The following WDR33 variants were observed in gnomAD, a reference collection of about 807,000 sequenced individuals.
WDR33 encodes pre-mRNA 3' end processing protein WDR33.
In WDR33, 47 loss-of-function variants were observed where a neutral mutation model predicts 164.9. The ratio of observed to expected loss-of-function variants is 0.29; its 90% CI spans 0.23 to 0.36. The LOEUF is 0.36. Among genes scored for constraint, WDR33 ranks in the 10% least tolerant of loss-of-function variants. WDR33 has a pLI of 1.00. For missense variants in WDR33, 1,137 were observed against 1,754.1 expected (o/e 0.65, Z 6.28); for synonymous variants, 505 against 589.0 (o/e 0.86, Z 2.06).
chr2:127,727,024 C>A (rs899706283), intron 7 of WDR33, among the ~76,000 whole-genome samples: 3 of 152,110 alleles, frequency 2.0e-5, no homozygotes, highest in African/African-American at 7.2e-5. Context: ...ACCTACTTGC[C>A]GGGAGGTCAG....
intron 7 of WDR33, among the ~76,000 whole-genome samples, chr2:127,750,710 ATATGTATGTATG>A (rs1687322886): frequency 1.7e-5 from 1 of 57,506 alleles, no homozygotes; most frequent in African/African-American, 9.4e-5. Context: ...ATATATATAT[ATATGTATGTATG>A]CATACATATA....
At chr2:127,754,135 C>G (rs1687449230) in intron 7 of WDR33, among the ~76,000 whole-genome samples, 1 of 152,170 alleles carries the variant, frequency 6.6e-6, no homozygotes. Context: ...AGACTCCATT[C>G]ACTACTTCAA....
chr2:127,756,755 T>C (rs1429967516), intron 7 of WDR33, among the ~76,000 whole-genome samples: 1 of 152,102 alleles, frequency 6.6e-6, no homozygotes, highest in East Asian at 1.9e-4. Flanking sequence ...ACTGCCTAAA[T>C]TAATAATCAT....
rs1687732474 is a variant in WDR33 at position 127,763,316 on chromosome 2, C to T, written c.627-157G>A. The stretch of plus-strand genomic sequence containing the variant: ...CCTTAAAGTGAATGTCGTCAGCTAA[C>T]ATAGGCATCTCATCAAAAGAAGACT... On this transcript the variant is annotated intron_variant, in intron 6 of 21. Coordinates refer to ENST00000322313, the MANE Select transcript of WDR33 (RefSeq NM_018383.5). The surrounding 1 kb of genome is among the most constrained non-coding windows in gnomAD (Gnocchi z 4.5). The T allele has an allele frequency of 1.4e-6, 2 of 1,443,648 alleles. No homozygotes were observed. Among genetic ancestry groups the T allele is most frequent in the African/African-American group, 2.9e-5 (2 of 69,776 alleles). 89.4% of individuals were successfully genotyped at this position (1,443,648 alleles called of 1,614,324 possible).
At chr2:127,756,981 GT>G (rs773768945) in intron 7 of WDR33, among the ~76,000 whole-genome samples, 6 of 151,868 alleles carry the variant, frequency 4.0e-5, no homozygotes, top group Non-Finnish European at 7.4e-5. Context: ...GGAGGCTGAG[GT>G]GGGAGAATTG....
chr2:127,748,232 A>T (rs1172801264), intron 7 of WDR33, among the ~76,000 whole-genome samples: 1 of 152,138 alleles, frequency 6.6e-6, no homozygotes, highest in Non-Finnish European at 1.5e-5. Context: ...CCTATAATAC[A>T]TTATAACACC....
chr2:127,776,729 T>C (rs1045581904), intron 1 of WDR33, among the ~76,000 whole-genome samples: 1 of 152,150 alleles, frequency 6.6e-6, no homozygotes, highest in Non-Finnish European at 1.5e-5. Flanking sequence ...GCAAAAATGA[T>C]ACAATAGCTT....
Position 127,702,238 on chromosome 2 carries a change from G to T in WDR33, c.*4085C>A. On this transcript the variant is annotated 3_prime_UTR_variant, in exon 22 of 22. Coordinates refer to ENST00000322313, the MANE Select transcript of WDR33 (RefSeq NM_018383.5). ...GCCAGCGCCGTCGGAGACCGCGCCGGCCGAGCTGAGGACTGCACGCCGCTG... is the reference window on the plus strand; with the variant it reads ...GCCAGCGCCGTCGGAGACCGCGCCGTCCGAGCTGAGGACTGCACGCCGCTG... The T allele has an allele frequency of 8.4e-7, 1 of 1,183,656 alleles. No homozygotes were observed. The highest frequency in any genetic ancestry group is 3.8e-5 in the East Asian group (1 of 26,590). The allele number at this position is 1,183,656 out of a possible 1,614,324, so 73.3% of individuals were successfully genotyped here. A position where few individuals can be genotyped will look rare whatever the true frequency, so the allele number is the denominator to read the frequency against.
At position 127,763,783 on chromosome 2, in the gene WDR33, G is replaced by C. The variant is rs1045749440; in HGVS notation, c.627-624C>G. The C allele has an allele frequency of 2.3e-5, 23 of 985,504 alleles. No individual in the cohort carries two copies. Among genetic ancestry groups the C allele is most frequent in the Non-Finnish European group, 2.7e-5 (22 of 830,012 alleles). The allele number at this position is 985,504 out of a possible 1,614,324, so 61.0% of individuals were successfully genotyped here. Reference sequence around the variant, plus strand: ...TGTGTGTAAAGCCAAAGAATCTGCTGCAAGAAGGAGTCAGTTTTTCCCAGC... The same window carrying C: ...TGTGTGTAAAGCCAAAGAATCTGCTCCAAGAAGGAGTCAGTTTTTCCCAGC... On this transcript the variant is annotated intron_variant, in intron 6 of 21. Coordinates refer to ENST00000322313, the MANE Select transcript of WDR33 (RefSeq NM_018383.5). This position sits in a 1 kb window ranked among gnomAD's most constrained non-coding sequence, Gnocchi z 4.5.
chr2:127,801,052 C>A (rs1689219425), intron 1 of WDR33, among the ~76,000 whole-genome samples: 2 of 150,024 alleles, frequency 1.3e-5, no homozygotes, highest in Non-Finnish European at 3.0e-5. Flanking sequence ...AGATGGAGCC[C>A]AGGAGTTTGA....
In WDR33 at chr2:127,735,818, T is replaced by C. The variant is rs1348336270; in HGVS notation, c.725-9041A>G. The C allele has an allele frequency of 1.0e-6, 1 of 985,324 alleles. No homozygotes were observed. Among genetic ancestry groups the C allele is most frequent in the Non-Finnish European group, 1.2e-6 (1 of 829,926 alleles). The allele number at this position is 985,324 out of a possible 1,614,324, so 61.0% of individuals were successfully genotyped here. A position where few individuals can be genotyped will look rare whatever the true frequency, so the allele number is the denominator to read the frequency against. On this transcript the variant is annotated intron_variant, in intron 7 of 21. Transcript: ENST00000322313. This position sits in a 1 kb window ranked among gnomAD's most constrained non-coding sequence, Gnocchi z 4.3. ...AATTTATTAGTATTTTACCTTCCTTTAATGCAAAATGATTTCACCACAACC... is the reference window on the plus strand; with the variant it reads ...AATTTATTAGTATTTTACCTTCCTTCAATGCAAAATGATTTCACCACAACC...
Position 127,701,621 on chromosome 2 carries a change from G to GCTGCTCGCC in WDR33, c.*4701_*4702insGGCGAGCAG, listed in dbSNP as rs781141026. 1.5e-6 allele frequency: 2 copies of GCTGCTCGCC among 1,338,322 alleles called. No homozygotes were observed. The highest frequency in any genetic ancestry group is 1.9e-6 in the Non-Finnish European group (2 of 1,046,894). The allele number at this position is 1,338,322 out of a possible 1,614,324, so 82.9% of individuals were successfully genotyped here. On this transcript the variant is annotated 3_prime_UTR_variant, in exon 22 of 22. Transcript: ENST00000322313. ...CGGAGCCGCTGCTCGCCGCGGAGAAGGCGGAGGAGCCCGGGGACCGGCCGG... is the reference window on the plus strand; with the variant it reads ...CGGAGCCGCTGCTCGCCGCGGAGAAGCTGCTCGCCGCGGAGGAGCCCGGGGACCGGCCGG...
chr2:127,747,420 G>A (rs1687197912), intron 7 of WDR33, among the ~76,000 whole-genome samples: 2 of 150,878 alleles, frequency 1.3e-5, no homozygotes, highest in South Asian at 4.2e-4. Context: ...AATATTTTAG[G>A]GCTACCGCTG....
Position 127,768,222 on chromosome 2 carries a change from T to C in WDR33, c.345A>G (p.Thr115=). 3 of 1,582,660 alleles carry C rather than the reference T, an allele frequency of 1.9e-6. No homozygotes were observed. The change falls in exon 4 of 22, where the codon ACA becomes ACG. Residue 115 remains threonine (T), a synonymous_variant. Coordinates refer to ENST00000322313, the MANE Select transcript of WDR33 (RefSeq NM_018383.5). Reference sequence around the variant, plus strand: ...CAAATACAGGACACTTTACTTTATTTGTTGATGTCCGAACAAATTTTGTTG... The same window carrying C: ...CAAATACAGGACACTTTACTTTATTCGTTGATGTCCGAACAAATTTTGTTG... ...AVTTKFVRTS[T]NKVKCPVFVV... is the part of the protein sequence containing the mutation.
chr2:127,794,833 C>CA (rs990234716), intron 1 of WDR33, among the ~76,000 whole-genome samples: 15,476 of 78,990 alleles, frequency 0.2, 1,249 homozygotes, highest in South Asian at 0.35. Context: ...GACTCCGTTT[C>CA]AAAAAAAAAA....
At chr2:127,725,003 G>A in intron 9 of WDR33, 38 bp from the exon 10 acceptor site, 2 of 1,614,170 alleles carry the variant, frequency 1.2e-6, no homozygotes, top group Non-Finnish European at 1.7e-6. Context: ...ACAATTATCA[G>A]GATCTGAGAA....
At chr2:127,803,694 A>T (rs1689331787) in intron 1 of WDR33, among the ~76,000 whole-genome samples, 3 of 152,180 alleles carry the variant, frequency 2.0e-5, no homozygotes, top group Admixed American at 1.3e-4. Context: ...CTGGTTTATA[A>T]ATAATATTTT....
chr2:127,786,435 C>T (rs1249590922), intron 1 of WDR33, among the ~76,000 whole-genome samples: 4 of 152,314 alleles, frequency 2.6e-5, no homozygotes, highest in East Asian at 1.9e-4. Context: ...GTATTCTCAA[C>T]ACTTTGGGAG....
rs1269936974 is a variant in WDR33, at chr2:127,726,269, C to T, written c.851+382G>A. The stretch of plus-strand genomic sequence containing the variant: ...GTTCAAAACCAGAAGAAAACCCTCT[C>T]GAAACAGATGTTGTGAGATGGAGAA... On this transcript the variant is annotated intron_variant, in intron 8 of 21. Coordinates refer to ENST00000322313, the MANE Select transcript of WDR33 (RefSeq NM_018383.5). This position sits in a 1 kb window ranked among gnomAD's most constrained non-coding sequence, Gnocchi z 4.8. 2.0e-5 allele frequency among the ~76,000 whole-genome samples: 3 copies of T among 152,128 alleles called. No individual in the cohort carries two copies. The highest frequency in any genetic ancestry group is 2.9e-5 in the Non-Finnish European group (2 of 68,014).
Sources: allele counts gnomAD v4.1 joint callset (sites outside exome capture counted in the v4.1 genomes callset), GRCh38; gene constraint gnomAD v4.1.1; non-coding constraint Gnocchi (gnomAD v3.1); transcripts MANE v1.5; gene names NCBI Gene and HGNC (gene_info 2026-07-23, HGNC 2026-07-21).